AGT: variants seen among roughly 807,000 people sequenced by gnomAD.
AGT encodes the protein alpha-1 antiproteinase, antitrypsin.
In AGT, 26 loss-of-function variants were observed where a neutral mutation model predicts 28.1. The ratio of observed to expected loss-of-function variants is 0.92; its 90% confidence interval spans 0.68 to 1.28. The LOEUF is 1.28. AGT is among the 50% of genes most tolerant of loss of function. The pLI, the probability that AGT is intolerant of heterozygous loss-of-function variation, is 0.00. For missense variants in AGT, 596 were observed against 592.3 expected, an observed-to-expected ratio of 1.01 and a Z score of -0.06; for synonymous variants, 259 against 259.6, an observed-to-expected ratio of 1.00 and a Z score of 0.02.
chr1:230,723,731 A>G (rs1663887618), intron 1 of AGT, among the ~76,000 whole-genome samples: 1 of 152,186 alleles, frequency 6.6e-6, no homozygotes, highest in Admixed American at 6.5e-5. Flanking sequence ...TATTTTCAGT[A>G]AGATAGGAAA....
At chr1:230,738,585 T>C (rs1176190681) in intron 1 of AGT, among the ~76,000 whole-genome samples, 1 of 152,186 alleles carries the variant, frequency 6.6e-6, no homozygotes, top group Non-Finnish European at 1.5e-5. Context: ...AAGAGACAAA[T>C]AGTTCTCTTC....
intron 1 of AGT, among the ~76,000 whole-genome samples, chr1:230,737,418 T>G (rs1238656187): frequency 6.6e-6 from 1 of 152,136 alleles, no homozygotes; most frequent in Non-Finnish European, 1.5e-5. Context: ...TTCAAGCGAT[T>G]CCCTGGCCCC....
intron 1 of AGT, among the ~76,000 whole-genome samples, chr1:230,740,432 C>T (rs1055365479): frequency 2.6e-5 from 4 of 152,190 alleles, no homozygotes; most frequent in African/African-American, 7.2e-5. Context: ...TACCCAACCC[C>T]TATTCAAGTT....
chr1:230,740,143 C>T (rs2102807468), intron 1 of AGT, among the ~76,000 whole-genome samples: 1 of 152,278 alleles, frequency 6.6e-6, no homozygotes. Flanking sequence ...CCTGACATTG[C>T]CATGGCATTT....
upstream of AGT, among the ~76,000 whole-genome samples, chr1:230,717,544 A>T (rs1159725407): frequency 2.0e-5 from 3 of 152,188 alleles, no homozygotes; most frequent in Non-Finnish European, 4.4e-5. Flanking sequence ...AGCCAAAACT[A>T]ATTGTTTCAC....
rs780800751 is a variant in AGT, at chr1:230,704,364, G to A, written c.1098-27C>T. The A allele has an allele frequency of 6.8e-6, 11 of 1,613,152 alleles. No homozygotes were observed. The Admixed American group carries it at 1.8e-4, about 27-fold the overall frequency. Reference sequence around the variant, plus strand: ...TGGGGAGATGATGCACAGTTAGGAAGGCTCCAGGCCACACAGTGAGGGCTC... The same window carrying A: ...TGGGGAGATGATGCACAGTTAGGAAAGCTCCAGGCCACACAGTGAGGGCTC... On this transcript the variant is annotated intron_variant, in intron 3 of 4. Coordinates refer to ENST00000366667, the MANE Select transcript of AGT (RefSeq NM_001384479.1).
At chr1:230,744,115 T>C (rs1186515072) in intron 1 of AGT, among the ~76,000 whole-genome samples, 1 of 152,202 alleles carries the variant, frequency 6.6e-6, no homozygotes, top group Non-Finnish European at 1.5e-5. Flanking sequence ...CACATGATTC[T>C]CTGCCCAAGC....
At chr1:230,718,046 C>T (rs1663771944), upstream of AGT, among the ~76,000 whole-genome samples, 1 of 152,172 alleles carries the variant, frequency 6.6e-6, no homozygotes, top group Non-Finnish European at 1.5e-5. Flanking sequence ...TCAAAGAATC[C>T]TCCTGCCTCA....
At chr1:230,712,651 G>A (rs1014521571) in intron 1 of AGT, among the ~76,000 whole-genome samples, 2 of 152,328 alleles carry the variant, frequency 1.3e-5, no homozygotes, top group African/African-American at 4.8e-5. Flanking sequence ...GGCGCTGGTC[G>A]ATGCAGCCCG....
At chr1:230,708,118 G>A (rs908574706) in intron 2 of AGT, among the ~76,000 whole-genome samples, 13 of 152,226 alleles carry the variant, frequency 8.5e-5, no homozygotes, top group African/African-American at 2.4e-4. Flanking sequence ...CTCCTTTGAC[G>A]GAAACTGAGG....
chr1:230,720,887 A>G (rs1308005152), intron 1 of AGT, among the ~76,000 whole-genome samples: 1 of 152,202 alleles, frequency 6.6e-6, no homozygotes, highest in Non-Finnish European at 1.5e-5. Flanking sequence ...GGTCAAAAAA[A>G]TTCTTCTCCA....
chr1:230,720,920 A>G (rs1663831503), intron 1 of AGT, among the ~76,000 whole-genome samples: 1 of 152,226 alleles, frequency 6.6e-6, no homozygotes, highest in Non-Finnish European at 1.5e-5. Flanking sequence ...TTCAGAGTTC[A>G]GCACAGCCTC....
chr1:230,729,930 G>T (rs528963643), intron 1 of AGT, among the ~76,000 whole-genome samples: 1 of 152,052 alleles, frequency 6.6e-6, no homozygotes, highest in East Asian at 2.0e-4. Context: ...GGGAGGCCGA[G>T]GCAGGTGGAT....
chr1:230,720,746 A>G (rs981069451), intron 1 of AGT, among the ~76,000 whole-genome samples: 5 of 152,184 alleles, frequency 3.3e-5, no homozygotes, highest in Admixed American at 1.3e-4. Context: ...TTGCATACTC[A>G]TAAACCAATC....
chr1:230,707,364 C>A (rs1297297455), intron 2 of AGT, among the ~76,000 whole-genome samples: 4 of 152,176 alleles, frequency 2.6e-5, no homozygotes, highest in Admixed American at 2.0e-4. Context: ...ACAGAACAGT[C>A]CCCTGGGCAC....
chr1:230,728,597 G>A (rs4847007), intron 1 of AGT, among the ~76,000 whole-genome samples: 45,397 of 152,056 alleles, frequency 0.3, 7,854 homozygotes, highest in East Asian at 0.66. Context: ...CTGGCAAAAT[G>A]ATAGCCACGA....
chr1:230,704,937 G>C (rs1002933352), intron 3 of AGT, among the ~76,000 whole-genome samples: 2 of 152,256 alleles, frequency 1.3e-5, no homozygotes, highest in African/African-American at 4.8e-5. Context: ...AAAGGTGGAA[G>C]CAACCCACGT....
At position 230,704,229 on chromosome 1, in the gene AGT, C is replaced by T. The variant is rs573313754; in HGVS notation, c.1206G>A (p.Leu402=). 13 of 1,614,238 alleles carry T rather than the reference C, an allele frequency of 8.1e-6. No homozygotes were observed. Among genetic ancestry groups the T allele is most frequent in the Non-Finnish European group, 1.1e-5 (13 of 1,180,038 alleles). ...LPAILHTELN[L]QKLSNDRIRV... ...TGATGCGGTCATTGCTCAATTTTTGCAGGTTCAGCTCGGTGTGCAGAATGG... is the reference window on the plus strand; with the variant it reads ...TGATGCGGTCATTGCTCAATTTTTGTAGGTTCAGCTCGGTGTGCAGAATGG... Residue 402 remains leucine (L), a synonymous_variant, in exon 4 of 5, where the codon CTG becomes CTA. Coordinates refer to ENST00000366667, the MANE Select transcript of AGT (RefSeq NM_001384479.1).
rs544138679 is a variant in AGT, at chr1:230,704,620, A to T, written c.1098-283T>A. ...TGCATTCTGTTTTTAGGTTGGCTGC[A>T]TTGAAGGTGTGTTACTTGGGTAATT... On this transcript the variant is annotated intron_variant, in intron 3 of 4. Coordinates refer to ENST00000366667, the MANE Select transcript of AGT (RefSeq NM_001384479.1). Among the ~76,000 whole-genome samples the T allele has an allele frequency of 4.1e-4, 62 of 152,370 alleles. 1 individual carries two copies. Among genetic ancestry groups the T allele is most frequent in the African/African-American group, 1.5e-3 (61 of 41,588 alleles).
Sources: allele counts gnomAD v4.1 joint callset (sites outside exome capture counted in the v4.1 genomes callset), GRCh38; gene constraint gnomAD v4.1.1; transcripts MANE v1.5; gene names NCBI Gene and HGNC (gene_info 2026-07-23, HGNC 2026-07-21).